KPNA3: variants seen among roughly 807,000 people sequenced by gnomAD.
The protein encoded by KPNA3 is karyopherin subunit alpha 3.
In KPNA3, 13 loss-of-function variants were observed where a neutral mutation model predicts 73.8. The ratio of observed to expected loss-of-function variants is 0.18; its 90% CI spans 0.11 to 0.28. KPNA3 has a LOEUF of 0.28. Among genes scored for constraint, KPNA3 ranks in the 10% least tolerant of loss-of-function variants. The probability of loss-of-function intolerance (pLI) is 1.00; values close to 1 mark genes in which losing one functional copy is unlikely to be tolerated. For missense variants in KPNA3, 360 were observed against 618.1 expected (o/e 0.58, Z 4.43); for synonymous variants, 186 against 206.9 (o/e 0.90, Z 0.87).
chr13:49,758,465 G>A (rs947021381), intron 1 of KPNA3, among the ~76,000 whole-genome samples: 3 of 151,974 alleles, frequency 2.0e-5, no homozygotes, highest in Admixed American at 6.6e-5. Flanking sequence ...AACTGTTCTC[G>A]GTAACCCTAT....
chr13:49,778,283 C>A (rs1954913214), intron 1 of KPNA3, among the ~76,000 whole-genome samples: 1 of 152,186 alleles, frequency 6.6e-6, no homozygotes, highest in South Asian at 2.1e-4. Context: ...TACTTTTGTG[C>A]CAATCACCAA....
rs573128503 is a variant in KPNA3, at chr13:49,706,736, T to C, written c.1033-364A>G. Among the ~76,000 whole-genome samples, 13 of 137,708 alleles carry C rather than the reference T, an allele frequency of 9.4e-5. No individual in the cohort carries two copies. The South Asian group carries it at 3.4e-3, about 36-fold the overall frequency. The allele number at this position is 137,708 out of a possible 152,430, so 90.3% of individuals were successfully genotyped here. On this transcript the variant is annotated intron_variant, in intron 12 of 16. Coordinates refer to ENST00000261667, the MANE Select transcript of KPNA3 (RefSeq NM_002267.4). Reference sequence around the variant, plus strand: ...TAAAAGACAGAAATAAATATACAACTGAATTTCTTTTTTCTTTTCTTTTTT... The same window carrying C: ...TAAAAGACAGAAATAAATATACAACCGAATTTCTTTTTTCTTTTCTTTTTT...
chr13:49,704,465 AT>A (rs57910626), intron 15 of KPNA3, among the ~76,000 whole-genome samples: 17,031 of 148,368 alleles, frequency 0.11, 2,108 homozygotes, highest in East Asian at 0.55. Context: ...AAATAAATAA[AT>A]AAATAAATAA....
chr13:49,762,377 C>G (rs1291521670), intron 1 of KPNA3, among the ~76,000 whole-genome samples: 1 of 152,166 alleles, frequency 6.6e-6, no homozygotes, highest in Non-Finnish European at 1.5e-5. Context: ...CCCAACAGCT[C>G]ATCGAGAACG....
At chr13:49,726,447 A>G (rs924696411) in intron 6 of KPNA3, among the ~76,000 whole-genome samples, 9 of 152,226 alleles carry the variant, frequency 5.9e-5, no homozygotes, top group Non-Finnish European at 1.2e-4. Context: ...TAGGAACGAC[A>G]AGGATTAGAT....
rs879944192 is a variant in KPNA3 at position 49,734,950 on chromosome 13, T to TAGAGAGAGAG, written c.115-1905_115-1904insCTCTCTCTCT. The stretch of plus-strand genomic sequence containing the variant: ...ATATATATATATATAGAGAGAGAGA[T>TAGAGAGAGAG]AGATAGAGAGAGAGAGAGAGAGAGA... On this transcript the variant is annotated intron_variant, in intron 2 of 16. Coordinates refer to ENST00000261667, the MANE Select transcript of KPNA3 (RefSeq NM_002267.4). Among the ~76,000 whole-genome samples, 224 of 76,156 alleles carry TAGAGAGAGAG rather than the reference T, an allele frequency of 2.9e-3. 1 individual carries two copies. Among genetic ancestry groups the TAGAGAGAGAG allele is most frequent in the Middle Eastern group, 8.2e-3 (1 of 122 alleles). 50.0% of individuals were successfully genotyped at this position (76,156 alleles called of 152,430 possible).
At chr13:49,778,996 C>T (rs1367442586) in intron 1 of KPNA3, among the ~76,000 whole-genome samples, 3 of 152,176 alleles carry the variant, frequency 2.0e-5, no homozygotes, top group East Asian at 3.8e-4. Context: ...TGGTTACCAA[C>T]TAGATGAGTG....
chr13:49,766,810 T>C (rs529020044), intron 1 of KPNA3, among the ~76,000 whole-genome samples: 2 of 152,160 alleles, frequency 1.3e-5, no homozygotes, highest in Non-Finnish European at 2.9e-5. Flanking sequence ...AAGCTTGTTT[T>C]ACCCTTCCAA....
intron 6 of KPNA3, among the ~76,000 whole-genome samples, chr13:49,732,145 C>G (rs1263656947): frequency 6.6e-6 from 1 of 152,084 alleles, no homozygotes; most frequent in Non-Finnish European, 1.5e-5. Context: ...AGGCAATAAA[C>G]AGGAGATAAA....
intron 1 of KPNA3, among the ~76,000 whole-genome samples, chr13:49,779,451 C>T (rs188414968): frequency 1.5e-3 from 221 of 152,264 alleles, no homozygotes; most frequent in African/African-American, 4.7e-3. Flanking sequence ...TACTTCAAGT[C>T]CTTTCCACCT....
At chr13:49,715,639 G>A (rs1257763977) in intron 10 of KPNA3, among the ~76,000 whole-genome samples, 1 of 152,050 alleles carries the variant, frequency 6.6e-6, no homozygotes, top group East Asian at 1.9e-4. Flanking sequence ...ATAAGAATAA[G>A]GGCAACCACA....
At position 49,706,085 on chromosome 13, in the gene KPNA3, T is replaced by G. The variant is rs1954205078; in HGVS notation, c.1209+13A>C. On this transcript the variant is annotated intron_variant, in intron 14 of 16. Coordinates refer to ENST00000261667, the MANE Select transcript of KPNA3 (RefSeq NM_002267.4). The stretch of plus-strand genomic sequence containing the variant: ...TATTAACAATCATGACAGTTACAGG[T>G]TTTCAAACTCACCTGATCTTTTCTG... 2 of 1,609,260 alleles carry G rather than the reference T, an allele frequency of 1.2e-6. No homozygotes were observed. The highest frequency in any genetic ancestry group is 2.7e-5 in the African/African-American group (2 of 74,640).
intron 1 of KPNA3, among the ~76,000 whole-genome samples, chr13:49,762,225 C>T (rs1240798288): frequency 4.0e-5 from 6 of 149,548 alleles, no homozygotes; most frequent in African/African-American, 1.5e-4. Context: ...CCCGGCCAGC[C>T]GCCCCGTCGC....
chr13:49,769,476 T>C (rs551418713), intron 1 of KPNA3, among the ~76,000 whole-genome samples: 339 of 152,326 alleles, frequency 2.2e-3, no homozygotes, highest in Non-Finnish European at 4.0e-3. Flanking sequence ...ATCACTAATC[T>C]ACTTTCTGTA....
chr13:49,725,917 T>C (rs1217369256), intron 6 of KPNA3, among the ~76,000 whole-genome samples: 1 of 152,086 alleles, frequency 6.6e-6, no homozygotes, highest in African/African-American at 2.4e-5. Flanking sequence ...GCTGGGATTA[T>C]AGGCATGAGC....
intron 2 of KPNA3, among the ~76,000 whole-genome samples, chr13:49,743,235 CA>C (rs1271367085): frequency 1.3e-5 from 2 of 152,082 alleles, no homozygotes; most frequent in African/African-American, 4.8e-5. Flanking sequence ...TCAAGAATCT[CA>C]ATGTCACTAA....
intron 6 of KPNA3, 97 bp downstream of exon 6, chr13:49,732,274 A>G (rs547452384): frequency 1.3e-4 from 67 of 528,450 alleles, no homozygotes; most frequent in African/African-American, 9.8e-4. Flanking sequence ...GAAAAACATC[A>G]TAAGTACAAA....
chr13:49,721,143 C>G (rs1397333528), intron 9 of KPNA3, among the ~76,000 whole-genome samples: 1 of 151,876 alleles, frequency 6.6e-6, no homozygotes, highest in African/African-American at 2.4e-5. Flanking sequence ...CGCTTGAACC[C>G]AGGAGGCAGA....
At chr13:49,704,166 A>T (rs1266432064) in intron 15 of KPNA3, among the ~76,000 whole-genome samples, 1 of 152,188 alleles carries the variant, frequency 6.6e-6, no homozygotes, top group African/African-American at 2.4e-5. Flanking sequence ...TCACGCCTGT[A>T]ATCCCAGCAC....
Sources: gnomAD v4.1 joint callset for allele counts (sites outside exome capture counted in the v4.1 genomes callset) on GRCh38, gnomAD v4.1.1 for gene constraint, MANE v1.5 for transcripts, NCBI Gene and HGNC (gene_info 2026-07-23, HGNC 2026-07-21) for gene names.